Variants in LAMA2 observed in about 807,000 individuals in gnomAD.
The protein encoded by LAMA2 is laminin subunit alpha-2.
Under a neutral mutation model 364.8 loss-of-function variants are expected in LAMA2, and 269 were observed. The observed-to-expected ratio is 0.74, with a 90% confidence interval of 0.67 to 0.82. LAMA2 has a LOEUF of 0.82. Ranked by LOEUF, LAMA2 falls within the 40% of genes least tolerant of loss-of-function variation. The pLI, the probability that LAMA2 is intolerant of heterozygous loss-of-function variation, is 0.00. For missense variants in LAMA2, 3,807 were observed against 3,873.2 expected, an observed-to-expected ratio of 0.98 and a Z score of 0.45; for synonymous variants, 1,379 against 1,370.6, an observed-to-expected ratio of 1.01 and a Z score of -0.14.
intron 21 of LAMA2, 148 bp from the exon 22 acceptor site, chr6:129,300,584 AAGAT>A: frequency 4.0e-6 from 3 of 744,172 alleles, no homozygotes; most frequent in Non-Finnish European, 7.0e-6. Context: ...TATAATATAA[AAGAT>A]GAATGAAGTA....
chr6:129,283,027 T>C (rs1788834356), intron 18 of LAMA2, among the ~76,000 whole-genome samples: 1 of 152,160 alleles, frequency 6.6e-6, no homozygotes, highest in Admixed American at 6.6e-5. Flanking sequence ...GGATTGGTAT[T>C]CTGTCACAAG....
In LAMA2 at chr6:129,210,024, A is replaced by AAAAAAAAAAAAAAAAAT. The variant is rs200129656; in HGVS notation, c.1782+17172_1782+17173insAAAAAAAAAAAAAAATA. On this transcript the variant is annotated intron_variant, in intron 12 of 64. Coordinates refer to ENST00000421865, the MANE Select transcript of LAMA2 (RefSeq NM_000426.4). ...ATCTCAAAAAAAAAAAAAAAAAAAA[A>AAAAAAAAAAAAAAAAAT]ATTTTTACTATTGACCCTTACTCTG... Among the ~76,000 whole-genome samples, 210 of 145,196 alleles carry AAAAAAAAAAAAAAAAAT rather than the reference A, an allele frequency of 1.4e-3. 2 individuals are homozygous for AAAAAAAAAAAAAAAAAT. In the East Asian group the frequency reaches 0.015, roughly 11 times the overall value.
intron 12 of LAMA2, among the ~76,000 whole-genome samples, chr6:129,228,654 G>T (rs375294039): frequency 6.6e-6 from 1 of 152,102 alleles, no homozygotes; most frequent in African/African-American, 2.4e-5. Context: ...TATATACCCT[G>T]AAGGCATTTT....
At chr6:129,170,746 G>A (rs577729842) in intron 9 of LAMA2, among the ~76,000 whole-genome samples, 14 of 151,982 alleles carry the variant, frequency 9.2e-5, no homozygotes, top group African/African-American at 1.7e-4. Context: ...TTTCTGTCTC[G>A]TTGATCTGTC....
chr6:129,166,837 A>G (rs999359502), intron 9 of LAMA2, among the ~76,000 whole-genome samples: 2 of 152,146 alleles, frequency 1.3e-5, no homozygotes, highest in South Asian at 2.1e-4. Context: ...ACTTTATGTG[A>G]TGAGTTTCCC....
rs550033158 is a variant in LAMA2 at position 129,054,659 on chromosome 6, A to G, written c.283+4571A>G. On this transcript the variant is annotated intron_variant, in intron 2 of 64. Transcript: ENST00000421865. ...TTATTAAATATTTAAATTAAACATG[A>G]AATATATGATATGTAATATAATATA... Among the ~76,000 whole-genome samples the G allele has an allele frequency of 6.7e-5, 10 of 148,550 alleles. No homozygotes were observed. In the East Asian group the frequency reaches 1.7e-3, roughly 26 times the overall value.
intron 55 of LAMA2, among the ~76,000 whole-genome samples, chr6:129,483,208 C>G (rs1220269873): frequency 1.4e-5 from 2 of 146,026 alleles, no homozygotes; most frequent in Non-Finnish European, 3.0e-5. Flanking sequence ...GAGGAAGGAA[C>G]TTCCTTAGCC....
chr6:129,486,519 C>T lies in LAMA2; in HGVS notation c.7795C>T (p.Leu2599Phe). The change falls in exon 56 of 65, where the codon CTC (leucine) becomes TTC (phenylalanine). Residue 2599 changes from leucine to phenylalanine, a missense_variant. Around this residue, in one of 3 missense-constraint regions of LAMA2, gnomAD observed 3,333 missense variants for 3,345.7 expected, o/e 1.00. Coordinates refer to ENST00000421865, the MANE Select transcript of LAMA2 (RefSeq NM_000426.4). ...CAACAGGGGCCGTCTGGAAGTGCAT[C>T]TCTCCACAGGGGCACGAACAATGAG... ...LLNRGRLEVH[L>F]STGARTMRKI... The T allele has an allele frequency of 6.2e-7, 1 of 1,613,888 alleles. No individual in the cohort carries two copies. Among genetic ancestry groups the T allele is most frequent in the Non-Finnish European group, 8.5e-7 (1 of 1,179,840 alleles).
intron 1 of LAMA2, among the ~76,000 whole-genome samples, chr6:128,954,164 A>G (rs1426137891): frequency 3.3e-5 from 5 of 152,126 alleles, no homozygotes; most frequent in Admixed American, 6.6e-5. Context: ...TTACTTTTGC[A>G]TGTCAGCATG....
chr6:129,187,369 TTGAAC>T (rs929361272), intron 10 of LAMA2, among the ~76,000 whole-genome samples: 33 of 151,958 alleles, frequency 2.2e-4, no homozygotes, highest in Middle Eastern at 3.4e-3. Context: ...ACTTCTGTGT[TTGAAC>T]TGTGCTACTC....
At chr6:128,914,510 C>T (rs554612934) in intron 1 of LAMA2, among the ~76,000 whole-genome samples, 14 of 152,220 alleles carry the variant, frequency 9.2e-5, no homozygotes, top group Admixed American at 5.9e-4. Flanking sequence ...TTATAGCTCC[C>T]GGGCCCAGTA....
intron 5 of LAMA2, among the ~76,000 whole-genome samples, chr6:129,145,400 G>A (rs564399054): frequency 6.6e-6 from 1 of 152,040 alleles, no homozygotes; most frequent in Non-Finnish European, 1.5e-5. Flanking sequence ...TCAACATATT[G>A]TAAATTGTCT....
At chr6:129,481,686 A>G (rs1784357290) in intron 55 of LAMA2, among the ~76,000 whole-genome samples, 1 of 152,096 alleles carries the variant, frequency 6.6e-6, no homozygotes, top group African/African-American at 2.4e-5. Context: ...TTGCACCTAT[A>G]TTTCCTATGG....
chr6:129,205,489 TATATACACACACACACACAC>T lies in LAMA2; in HGVS notation c.1782+12638_1782+12657del, dbSNP rs1301244922. Among the ~76,000 whole-genome samples, 29 of 130,544 alleles carry T rather than the reference TATATACACACACACACACAC, an allele frequency of 2.2e-4. 1 individual carries two copies. The highest frequency in any genetic ancestry group is 4.1e-4 in the African/African-American group (12 of 29,134). 85.6% of individuals were successfully genotyped at this position (130,544 alleles called of 152,430 possible). A position where few individuals can be genotyped will look rare whatever the true frequency, so the allele number is the denominator to read the frequency against. On this transcript the variant is annotated intron_variant, in intron 12 of 64. Coordinates refer to ENST00000421865, the MANE Select transcript of LAMA2 (RefSeq NM_000426.4). ...AATTTATTCTGTAAGTATATATATATATATACACACACACACACACACACACACACACACACACACACACG... is the reference window on the plus strand; with the variant it reads ...AATTTATTCTGTAAGTATATATATATACACACACACACACACACACACACG...
chr6:129,152,848 G>GGGT (rs1778889917), intron 7 of LAMA2, among the ~76,000 whole-genome samples: 1 of 152,050 alleles, frequency 6.6e-6, no homozygotes, highest in African/African-American at 2.4e-5. Context: ...TACCCTTAGG[G>GGGT]GATACACATG....
At chr6:129,255,129 C>T (rs944789546) in intron 14 of LAMA2, among the ~76,000 whole-genome samples, 1 of 151,662 alleles carries the variant, frequency 6.6e-6, no homozygotes, top group African/African-American at 2.4e-5. Context: ...AGCCTGGGGC[C>T]GGGCACGGTG....
rs1268913408 is a variant in LAMA2, at chr6:129,286,975, G to GAC, written c.2538-871_2538-870insCA. Among the ~76,000 whole-genome samples the GAC allele has an allele frequency of 3.8e-5, 2 of 53,222 alleles. 1 individual carries two copies. The highest frequency in any genetic ancestry group is 7.3e-5 in the Non-Finnish European group (2 of 27,564). The allele number at this position is 53,222 out of a possible 152,430, so 34.9% of individuals were successfully genotyped here. ...CAGGAGACAAAGAAAGAAAGAAACA[G>GAC]AGAGGAAGGAAGGAAGGAAGGGAGG... On this transcript the variant is annotated intron_variant, in intron 18 of 64. Coordinates refer to ENST00000421865, the MANE Select transcript of LAMA2 (RefSeq NM_000426.4).
chr6:129,458,683 G>A (rs1192354131), intron 48 of LAMA2, among the ~76,000 whole-genome samples: 1 of 151,920 alleles, frequency 6.6e-6, no homozygotes, highest in Non-Finnish European at 1.5e-5. Context: ...CTTTCTATGC[G>A]GCTGTGCAAT....
chr6:129,271,927 C>T (rs1787968915), intron 17 of LAMA2, among the ~76,000 whole-genome samples: 4 of 152,124 alleles, frequency 2.6e-5, no homozygotes, highest in Admixed American at 2.6e-4. Context: ...ATACTATAAG[C>T]TAAAGACTTT....
Sources: gnomAD v4.1 joint callset for allele counts (sites outside exome capture counted in the v4.1 genomes callset) on GRCh38, gnomAD v4.1.1 for gene constraint, gnomAD v4.1.1 regional missense constraint, MANE v1.5 for transcripts, NCBI Gene and HGNC (gene_info 2026-07-23, HGNC 2026-07-21) for gene names.